The following CA10 variants were observed in gnomAD, a reference collection of about 807,000 sequenced individuals.
The protein encoded by CA10 is carbonic anhydrase-related protein 10.
CA10 carries 14 observed loss-of-function variants against 44.2 expected under a neutral mutation model. That is an observed-to-expected ratio of 0.32 (90% CI 0.21 to 0.50). The LOEUF (loss-of-function observed/expected upper bound fraction) is 0.50, where lower values mean the gene tolerates loss of function less well. Ranked by LOEUF, CA10 falls within the 20% of genes least tolerant of loss-of-function variation. CA10 has a pLI of 0.99. For missense variants in CA10, 350 were observed against 409.7 expected (o/e 0.85, Z 1.26); for synonymous variants, 159 against 141.6 (o/e 1.12, Z -0.87).
chr17:51,965,959 T>C (rs937517934), intron 2 of CA10, among the ~76,000 whole-genome samples: 11 of 151,876 alleles, frequency 7.2e-5, no homozygotes, highest in South Asian at 4.1e-4. Context: ...ATTCTATACC[T>C]ATAAAACCCT....
chr17:51,864,540 A>C (rs558639153), intron 3 of CA10, among the ~76,000 whole-genome samples: 2 of 152,242 alleles, frequency 1.3e-5, no homozygotes, highest in African/African-American at 4.8e-5. Flanking sequence ...ACCATTTCTT[A>C]CTACTGTGAA....
chr17:51,974,396 AAAC>A lies in CA10; in HGVS notation c.137-43267_137-43265del, dbSNP rs1567905792. 9.7e-5 allele frequency among the ~76,000 whole-genome samples: 9 copies of A among 92,674 alleles called. 1 individual carries two copies. The highest frequency in any genetic ancestry group is 2.4e-4 in the Admixed American group (2 of 8,204). The allele number at this position is 92,674 out of a possible 152,430, so 60.8% of individuals were successfully genotyped here. On this transcript the variant is annotated intron_variant, in intron 2 of 8. Coordinates refer to ENST00000451037, the MANE Select transcript of CA10 (RefSeq NM_020178.5). Reference sequence around the variant, plus strand: ...AGACTCCATCTCATTTAAAAAAAAAAAACAAAAACAAAAGGAATTGTATAGCCT... The same window carrying A: ...AGACTCCATCTCATTTAAAAAAAAAAAAAAACAAAAGGAATTGTATAGCCT...
chr17:51,725,083 C>G (rs117950996), intron 4 of CA10, among the ~76,000 whole-genome samples: 1 of 152,316 alleles, frequency 6.6e-6, no homozygotes, highest in East Asian at 1.9e-4. Flanking sequence ...GAGGTGAAGT[C>G]TAAGGCCACA....
intron 4 of CA10, among the ~76,000 whole-genome samples, chr17:51,659,905 A>G (rs764697759): frequency 2.0e-5 from 3 of 152,206 alleles, no homozygotes; most frequent in Non-Finnish European, 4.4e-5. Flanking sequence ...AAACATCTCA[A>G]GGGCATGGAT....
At chr17:51,825,167 C>T (rs950058576) in intron 3 of CA10, among the ~76,000 whole-genome samples, 1 of 152,210 alleles carries the variant, frequency 6.6e-6, no homozygotes, top group Non-Finnish European at 1.5e-5. Flanking sequence ...CAGAGCCTCG[C>T]TGCATTTTCC....
intron 3 of CA10, among the ~76,000 whole-genome samples, chr17:51,854,022 T>C (rs1199541919): frequency 6.6e-6 from 1 of 152,206 alleles, no homozygotes; most frequent in East Asian, 1.9e-4. Context: ...TATACAGGCA[T>C]GCTTTATGAC....
Position 51,717,678 on chromosome 17 carries a change from T to TAC in CA10, c.465+29954_465+29955insGT, listed in dbSNP as rs1567815257. 1.2e-3 allele frequency among the ~76,000 whole-genome samples: 50 copies of TAC among 41,348 alleles called. 1 individual carries two copies. Among genetic ancestry groups the TAC allele is most frequent in the African/African-American group, 3.4e-3 (50 of 14,658 alleles). 27.1% of individuals were successfully genotyped at this position (41,348 alleles called of 152,430 possible). A position where few individuals can be genotyped will look rare whatever the true frequency, so the allele number is the denominator to read the frequency against. ...ATACGTATATATACATGTATATATG[T>TAC]ATATATGTATACATATATGCATGTA... On this transcript the variant is annotated intron_variant, in intron 4 of 8. Coordinates refer to ENST00000451037, the MANE Select transcript of CA10 (RefSeq NM_020178.5).
intron 1 of CA10, among the ~76,000 whole-genome samples, chr17:52,151,524 C>T (rs959675818): frequency 1.3e-5 from 2 of 152,104 alleles, no homozygotes; most frequent in African/African-American, 4.8e-5. Context: ...ACAACATGTA[C>T]TCTCTTGTTA....
chr17:51,764,502 C>T (rs1329528580), intron 3 of CA10, among the ~76,000 whole-genome samples: 1 of 152,178 alleles, frequency 6.6e-6, no homozygotes, highest in Non-Finnish European at 1.5e-5. Flanking sequence ...GCAGGTCCTC[C>T]TTGAATTGCT....
chr17:51,820,192 C>G (rs12940110), intron 3 of CA10, among the ~76,000 whole-genome samples: 26 of 105,392 alleles, frequency 2.5e-4, no homozygotes, highest in Admixed American at 3.7e-4. Context: ...GCCGCCCCCC[C>G]CCCCCCAGGT....
At chr17:52,091,505 C>T (rs1457141289) in intron 1 of CA10, among the ~76,000 whole-genome samples, 2 of 152,092 alleles carry the variant, frequency 1.3e-5, no homozygotes, top group Admixed American at 6.6e-5. Context: ...TTCTCACTCC[C>T]GCACATTGGC....
At chr17:51,699,999 T>TAAAG (rs1567808475) in intron 4 of CA10, among the ~76,000 whole-genome samples, 2 of 152,190 alleles carry the variant, frequency 1.3e-5, no homozygotes, top group African/African-American at 4.8e-5. Flanking sequence ...ACATCAGAGA[T>TAAAG]GAAGGGAGAA....
At chr17:51,898,899 C>G (rs1158983757) in intron 3 of CA10, among the ~76,000 whole-genome samples, 1 of 151,684 alleles carries the variant, frequency 6.6e-6, no homozygotes, top group Non-Finnish European at 1.5e-5. Context: ...GTGGTAACGT[C>G]CCCTTTGCCA....
intron 1 of CA10, among the ~76,000 whole-genome samples, chr17:52,115,183 G>A (rs529249455): frequency 6.6e-6 from 1 of 152,314 alleles, no homozygotes; most frequent in Admixed American, 6.5e-5. Flanking sequence ...AATCTGCGAG[G>A]TGGGAGCCTA....
At chr17:51,760,363 T>G (rs1428635500) in intron 3 of CA10, among the ~76,000 whole-genome samples, 1 of 152,262 alleles carries the variant, frequency 6.6e-6, no homozygotes, top group East Asian at 1.9e-4. Context: ...TCTCTCACTA[T>G]GACTGCTGTG....
At chr17:52,068,712 C>T (rs1987599960) in intron 2 of CA10, among the ~76,000 whole-genome samples, 1 of 152,180 alleles carries the variant, frequency 6.6e-6, no homozygotes, top group Admixed American at 6.5e-5. Flanking sequence ...GAATTCAACC[C>T]TTAAGTGAGC....
At chr17:51,963,119 T>C (rs1249598188) in intron 2 of CA10, among the ~76,000 whole-genome samples, 1 of 152,094 alleles carries the variant, frequency 6.6e-6, no homozygotes, top group Non-Finnish European at 1.5e-5. Context: ...TTGCAAAATA[T>C]AATTGAAAGC....
At chr17:51,858,681 C>T (rs73346524) in intron 3 of CA10, among the ~76,000 whole-genome samples, 9,117 of 152,252 alleles carry the variant, frequency 0.06, 529 homozygotes, top group African/African-American at 0.15. Flanking sequence ...ACACTTGGCT[C>T]CTATGTGTCT....
intron 2 of CA10, among the ~76,000 whole-genome samples, chr17:52,055,138 C>A (rs1366577019): frequency 2.6e-5 from 4 of 151,950 alleles, no homozygotes; most frequent in Non-Finnish European, 5.9e-5. Context: ...TGGTAGGGAA[C>A]ATTTATCTAC....
Sources: gnomAD v4.1 joint callset for allele counts (sites outside exome capture counted in the v4.1 genomes callset) on GRCh38, gnomAD v4.1.1 for gene constraint, MANE v1.5 for transcripts, NCBI Gene and HGNC (gene_info 2026-07-23, HGNC 2026-07-21) for gene names.